The following TOR1AIP2 variants were observed in gnomAD, a reference collection of about 807,000 sequenced individuals.
TOR1AIP2 encodes the protein torsin-1A-interacting protein 2.
TOR1AIP2 carries 20 observed loss-of-function variants against 32.6 expected under a neutral mutation model. The ratio of observed to expected loss-of-function variants is 0.61; its 90% CI spans 0.43 to 0.89. The LOEUF (loss-of-function observed/expected upper bound fraction) is 0.89, where lower values mean the gene tolerates loss of function less well. Among genes scored for constraint, TOR1AIP2 ranks in the 40% least tolerant of loss-of-function variants. The pLI is 0.00. For missense variants in TOR1AIP2, 456 were observed against 553.8 expected (o/e 0.82, Z 1.77); for synonymous variants, 214 against 210.8 (o/e 1.02, Z -0.13).
chr1:179,851,794 C>A (rs753604594), intron 4 of TOR1AIP2, among the ~76,000 whole-genome samples: 1 of 152,140 alleles, frequency 6.6e-6, no homozygotes, highest in African/African-American at 2.4e-5. Flanking sequence ...CTTTCTAATA[C>A]AATGCAGTAA....
At chr1:179,875,519 A>G (rs1227153994) in intron 2 of TOR1AIP2, 1 of 152,212 alleles carries the variant, frequency 6.6e-6, no homozygotes, top group Non-Finnish European at 1.5e-5. Context: ...GAAGACACCA[A>G]TGTTTCAAAA....
intron 3 of TOR1AIP2, chr1:179,859,769 A>T (rs1696446655): frequency 1.0e-6 from 1 of 985,312 alleles, no homozygotes; most frequent in Admixed American, 6.2e-5. Flanking sequence ...GACTTATACT[A>T]CAGGCTCAAC....
At chr1:179,858,401 G>C (rs1320907391) in intron 3 of TOR1AIP2, among the ~76,000 whole-genome samples, 3 of 152,040 alleles carry the variant, frequency 2.0e-5, no homozygotes, top group Admixed American at 1.3e-4. Flanking sequence ...AGGAATAAGA[G>C]AGGGTGTCAA....
rs752491114 is a variant in TOR1AIP2, at chr1:179,851,126, T to C, written c.272A>G (p.Lys91Arg). The change falls in exon 5 of 7, where the codon AAG (lysine) becomes AGG (arginine). Residue 91 changes from lysine (K) to arginine (R), a missense_variant. By Grantham distance (26) the Lys-to-Arg change is conservative. Transcript: ENST00000609928. ...HPKDKTEDEN[K>R]QSFLDGGKGH... is the part of the protein sequence containing the mutation. Reference sequence around the variant, plus strand: ...TTTTCCGCCATCCAGAAAACTCTGCTTGTTCTCATCTTCTGTTTTATCCTT... The same window carrying C: ...TTTTCCGCCATCCAGAAAACTCTGCCTGTTCTCATCTTCTGTTTTATCCTT... 9.9e-6 allele frequency: 16 copies of C among 1,614,212 alleles called. No homozygotes were observed. The highest frequency in any genetic ancestry group is 1.4e-5 in the Non-Finnish European group (16 of 1,180,046).
intron 4 of TOR1AIP2, among the ~76,000 whole-genome samples, chr1:179,852,211 C>T (rs886778511): frequency 1.3e-5 from 2 of 149,776 alleles, no homozygotes; most frequent in Non-Finnish European, 3.0e-5. Context: ...GCCCGGGAGG[C>T]GGAGGTTGCA....
chr1:179,864,471 T>A, intron 3 of TOR1AIP2: 1 of 1,082,402 alleles, frequency 9.2e-7, no homozygotes, highest in Middle Eastern at 4.2e-4. Context: ...CTTTGTCATA[T>A]GACACTCATT....
intron 3 of TOR1AIP2, chr1:179,863,485 G>C: frequency 2.0e-6 from 2 of 984,852 alleles, no homozygotes; most frequent in Non-Finnish European, 2.4e-6. Flanking sequence ...GTTACAACAA[G>C]AAGTCATATT....
chr1:179,842,585 T>C lies in TOR1AIP2; in HGVS notation c.*3486A>G, dbSNP rs1225596181. Reference sequence around the variant, plus strand: ...ACTCAAGAAGTAATTTATATTAATATACAGTGTAATGAAAGTTGTTCTGTA... The same window carrying C: ...ACTCAAGAAGTAATTTATATTAATACACAGTGTAATGAAAGTTGTTCTGTA... On this transcript the variant is annotated 3_prime_UTR_variant, in exon 7 of 7. Coordinates refer to ENST00000609928, the MANE Select transcript of TOR1AIP2 (RefSeq NM_001199260.2). 2 of 152,332 alleles carry C rather than the reference T, an allele frequency of 1.3e-5. No individual in the cohort carries two copies. Among genetic ancestry groups the C allele is most frequent in the Non-Finnish European group, 2.9e-5 (2 of 68,030 alleles). 9.4% of individuals were successfully genotyped at this position (152,332 alleles called of 1,614,324 possible).
At chr1:179,864,251 T>C (rs1263350559) in intron 3 of TOR1AIP2, 6 of 985,366 alleles carry the variant, frequency 6.1e-6, no homozygotes, top group African/African-American at 5.2e-5. Context: ...TAAATGGCTA[T>C]ATAAGAGCAA....
intron 3 of TOR1AIP2, chr1:179,859,665 T>A (rs1313761630): frequency 1.0e-6 from 1 of 985,396 alleles, no homozygotes; most frequent in African/African-American, 1.7e-5. Context: ...CTACCATAAT[T>A]AAGATTATAA....
intron 3 of TOR1AIP2, chr1:179,862,656 C>T (rs1227620358): frequency 5.1e-6 from 5 of 985,204 alleles, no homozygotes; most frequent in Non-Finnish European, 4.8e-6. Flanking sequence ...TGGTCAGGCA[C>T]GGTGGCTATG....
chr1:179,876,081 T>C (rs1210275595), intron 2 of TOR1AIP2: 1 of 152,210 alleles, frequency 6.6e-6, no homozygotes, highest in Non-Finnish European at 1.5e-5. Context: ...ACAGTTGACT[T>C]AGTGAACAAC....
intron 3 of TOR1AIP2, chr1:179,863,359 G>A (rs960061982): frequency 1.5e-5 from 15 of 984,744 alleles, no homozygotes; most frequent in African/African-American, 1.8e-5. Flanking sequence ...CTAATGAGAT[G>A]TAAGAAGAAA....
chr1:179,868,937 A>C (rs1330289534), intron 2 of TOR1AIP2: 1 of 152,208 alleles, frequency 6.6e-6, no homozygotes, highest in Non-Finnish European at 1.5e-5. Context: ...CCGCCTCCTG[A>C]GTTCAAGTGA....
chr1:179,845,265 A>G lies in TOR1AIP2; in HGVS notation c.*806T>C, dbSNP rs1695856550. ...AACCCCAACATATAAAACAGTTAAAAGCAGAACTGCTCTGATACAAAGGGG... is the reference window on the plus strand; with the variant it reads ...AACCCCAACATATAAAACAGTTAAAGGCAGAACTGCTCTGATACAAAGGGG... On this transcript the variant is annotated 3_prime_UTR_variant, in exon 7 of 7. Coordinates refer to ENST00000609928, the MANE Select transcript of TOR1AIP2 (RefSeq NM_001199260.2). 6.6e-6 allele frequency: 1 copy of G among 152,228 alleles called. No individual in the cohort carries two copies. Among genetic ancestry groups the G allele is most frequent in the Admixed American group, 6.5e-5 (1 of 15,284 alleles). The allele number at this position is 152,228 out of a possible 1,614,324, so 9.4% of individuals were successfully genotyped here. A position where few individuals can be genotyped will look rare whatever the true frequency, so the allele number is the denominator to read the frequency against.
At chr1:179,857,912 G>A (rs76652961) in intron 3 of TOR1AIP2, among the ~76,000 whole-genome samples, 5,518 of 152,166 alleles carry the variant, frequency 0.036, 143 homozygotes, top group Non-Finnish European at 0.052. Context: ...ACAACACTTC[G>A]AGAGGCCAAG....
intron 2 of TOR1AIP2, among the ~76,000 whole-genome samples, chr1:179,866,930 GT>G (rs991307960): frequency 2.0e-4 from 30 of 152,174 alleles, no homozygotes; most frequent in Non-Finnish European, 3.4e-4. Context: ...CACCTAGAGG[GT>G]ATCACAGAAT....
chr1:179,852,351 G>A (rs1216490318), intron 4 of TOR1AIP2, among the ~76,000 whole-genome samples: 1 of 151,678 alleles, frequency 6.6e-6, no homozygotes, highest in African/African-American at 2.4e-5. Flanking sequence ...CTAAAGATTT[G>A]TCTACCATCA....
intron 3 of TOR1AIP2, chr1:179,864,944 G>T (rs1571689411): frequency 1.2e-6 from 2 of 1,613,916 alleles, no homozygotes; most frequent in Admixed American, 1.7e-5. Flanking sequence ...GGTCCATCTG[G>T]TGAGATTCTG....
Sources: gnomAD v4.1 joint callset for allele counts (sites outside exome capture counted in the v4.1 genomes callset) on GRCh38, gnomAD v4.1.1 for gene constraint, MANE v1.5 for transcripts, NCBI Gene and HGNC (gene_info 2026-07-23, HGNC 2026-07-21) for gene names.